The following STPG2 variants were observed in gnomAD, a reference collection of about 807,000 sequenced individuals.
STPG2 encodes sperm-tail PG-rich repeat-containing protein 2.
A neutral mutation model predicts 54.2 loss-of-function variants in STPG2; 56 were observed. The observed-to-expected ratio is 1.03, with a 90% confidence interval of 0.83 to 1.29. The LOEUF is 1.29. Ranked by LOEUF, STPG2 falls within the 50% of genes most tolerant of loss-of-function variation. The pLI, the probability that STPG2 is intolerant of heterozygous loss-of-function variation, is 0.00. For missense variants in STPG2, 596 were observed against 544.9 expected, an observed-to-expected ratio of 1.09 and a Z score of -0.93; for synonymous variants, 200 against 181.8, an observed-to-expected ratio of 1.10 and a Z score of -0.81.
At chr4:97,815,895 T>C (rs1727892017) in intron 9 of STPG2, among the ~76,000 whole-genome samples, 1 of 152,156 alleles carries the variant, frequency 6.6e-6, no homozygotes, top group Admixed American at 6.6e-5. Context: ...TTTATTATTA[T>C]TCTACTTTAA....
chr4:98,083,432 A>C (rs1296578528), intron 5 of STPG2, among the ~76,000 whole-genome samples: 1 of 152,174 alleles, frequency 6.6e-6, no homozygotes, highest in Non-Finnish European at 1.5e-5. Flanking sequence ...CATATATAGA[A>C]ATTCTTGGAA....
chr4:97,741,927 T>C (rs1176325743), intron 9 of STPG2, among the ~76,000 whole-genome samples: 120 of 152,060 alleles, frequency 7.9e-4, no homozygotes, highest in African/African-American at 2.7e-3. Flanking sequence ...ATGTTTATTG[T>C]GGCACTATTC....
At chr4:97,484,736 A>G (rs1240214423) in intron 4 of STPG2, among the ~76,000 whole-genome samples, 3 of 151,828 alleles carry the variant, frequency 2.0e-5, no homozygotes, top group Middle Eastern at 6.8e-3. Context: ...CTTAATACCA[A>G]CCAGGAAAGG....
intron 5 of STPG2, among the ~76,000 whole-genome samples, chr4:98,060,420 C>CACAA (rs35649441): frequency 0.39 from 59,481 of 151,446 alleles, 11,842 homozygotes; most frequent in Middle Eastern, 0.46. Context: ...TCAGAGAAAA[C>CACAA]ACAAACAAAT....
intron 9 of STPG2, among the ~76,000 whole-genome samples, chr4:97,795,470 G>C (rs888476297): frequency 1.3e-5 from 2 of 152,162 alleles, no homozygotes; most frequent in African/African-American, 4.8e-5. Flanking sequence ...CCTTGTGATA[G>C]TTTGCTGAGA....
intron 9 of STPG2, among the ~76,000 whole-genome samples, chr4:97,746,999 ATC>A (rs1445901311): frequency 7.0e-6 from 1 of 142,648 alleles, no homozygotes; most frequent in Non-Finnish European, 1.6e-5. Flanking sequence ...AGCATGTGCA[ATC>A]TGTTTTTATA....
intron 4 of STPG2, among the ~76,000 whole-genome samples, chr4:97,504,164 T>A (rs1020422679): frequency 2.7e-5 from 4 of 146,280 alleles, no homozygotes; most frequent in African/African-American, 4.9e-5. Context: ...AAATAAATAT[T>A]TATTTAAATA....
chr4:97,876,310 T>C (rs533080504), intron 8 of STPG2, among the ~76,000 whole-genome samples: 2 of 152,232 alleles, frequency 1.3e-5, no homozygotes, highest in South Asian at 2.1e-4. Flanking sequence ...ATTTTTTATA[T>C]AGCAAATCAA....
chr4:97,741,426 A>T (rs895444136), intron 9 of STPG2, among the ~76,000 whole-genome samples: 5 of 152,090 alleles, frequency 3.3e-5, no homozygotes, highest in African/African-American at 1.2e-4. Context: ...GTGAACAGGC[A>T]ACCTACAAAA....
At chr4:98,005,906 T>A (rs1353435932) in intron 5 of STPG2, among the ~76,000 whole-genome samples, 4 of 152,202 alleles carry the variant, frequency 2.6e-5, no homozygotes, top group Non-Finnish European at 5.9e-5. Context: ...AATGGTTCCC[T>A]CTTTTTCCAT....
intron 4 of STPG2, among the ~76,000 whole-genome samples, chr4:97,526,895 C>A (rs1454315673): frequency 6.6e-6 from 1 of 151,896 alleles, no homozygotes; most frequent in African/African-American, 2.4e-5. Flanking sequence ...TCTGCATATG[C>A]CTAGCCAGGT....
intron 5 of STPG2, among the ~76,000 whole-genome samples, chr4:98,058,720 C>T (rs1044953263): frequency 6.6e-6 from 1 of 151,986 alleles, no homozygotes; most frequent in Non-Finnish European, 1.5e-5. Flanking sequence ...GGATCTAGTA[C>T]ATGTCTACAG....
At chr4:98,037,809 T>A (rs566233623) in intron 5 of STPG2, among the ~76,000 whole-genome samples, 2 of 152,082 alleles carry the variant, frequency 1.3e-5, no homozygotes, top group African/African-American at 4.8e-5. Context: ...CAATAATTCA[T>A]AAGAAAATAC....
At chr4:97,567,916 T>A (rs1244620029) in intron 10 of STPG2, among the ~76,000 whole-genome samples, 1 of 152,112 alleles carries the variant, frequency 6.6e-6, no homozygotes, top group East Asian at 1.9e-4. Flanking sequence ...ATCAAGAAAT[T>A]ATTTACCTAC....
intron 8 of STPG2, among the ~76,000 whole-genome samples, chr4:97,850,402 T>C (rs547581897): frequency 1.3e-4 from 20 of 151,746 alleles, no homozygotes; most frequent in African/African-American, 4.8e-4. Flanking sequence ...TGTATACTTC[T>C]TATGATGTTG....
downstream of STPG2, among the ~76,000 whole-genome samples, chr4:97,555,628 T>C (rs1405841363): frequency 6.6e-6 from 1 of 152,168 alleles, no homozygotes; most frequent in Non-Finnish European, 1.5e-5. Flanking sequence ...ATGGTTGTGC[T>C]ACCATAAGAG....
At chr4:97,639,080 G>A (rs1721670566) in intron 10 of STPG2, among the ~76,000 whole-genome samples, 2 of 151,996 alleles carry the variant, frequency 1.3e-5, no homozygotes, top group African/African-American at 4.8e-5. Context: ...CAATAGCAAA[G>A]ACTTGGAACC....
Position 98,116,026 on chromosome 4 carries a change from G to T in STPG2, c.388-6721C>A, listed in dbSNP as rs531864950. Among the ~76,000 whole-genome samples the T allele has an allele frequency of 1.2e-3, 176 of 151,856 alleles. 1 individual carries two copies. Among genetic ancestry groups the T allele is most frequent in the Non-Finnish European group, 1.9e-3 (131 of 67,808 alleles). ...TTTTATTCCAATAAATAAATAATAA[G>T]TTGTATTGATTCAATACTTATTAAA... On this transcript the variant is annotated intron_variant, in intron 3 of 10. Transcript: ENST00000295268.
At chr4:97,962,081 A>G (rs1250960634) in intron 7 of STPG2, among the ~76,000 whole-genome samples, 1 of 152,202 alleles carries the variant, frequency 6.6e-6, no homozygotes, top group South Asian at 2.1e-4. Context: ...ACTGGAGACT[A>G]TTATTCTTAG....
Sources: gnomAD v4.1 joint callset for allele counts (sites outside exome capture counted in the v4.1 genomes callset) on GRCh38, gnomAD v4.1.1 for gene constraint, MANE v1.5 for transcripts, NCBI Gene and HGNC (gene_info 2026-07-23, HGNC 2026-07-21) for gene names.